Variants in EIF4G3 observed in about 807,000 individuals in gnomAD.
EIF4G3 encodes the protein eIF-4-gamma 3.
EIF4G3 carries 34 observed loss-of-function variants against 186.4 expected under a neutral mutation model. That is an observed-to-expected ratio of 0.18 (90% CI 0.14 to 0.24). The LOEUF is 0.24. Among genes scored for constraint, EIF4G3 ranks in the 10% least tolerant of loss-of-function variants. The probability of loss-of-function intolerance (pLI) is 1.00; values close to 1 mark genes in which losing one functional copy is unlikely to be tolerated. For missense variants in EIF4G3, 1,536 were observed against 1,948.5 expected, an observed-to-expected ratio of 0.79 and a Z score of 3.99; for synonymous variants, 673 against 679.5, an observed-to-expected ratio of 0.99 and a Z score of 0.15.
chr1:21,135,115 C>A (rs1252555174), intron 2 of EIF4G3, among the ~76,000 whole-genome samples: 2 of 152,148 alleles, frequency 1.3e-5, no homozygotes, highest in African/African-American at 4.8e-5. Flanking sequence ...GATGCAAATG[C>A]CTTTTGTAAC....
intron 4 of EIF4G3, among the ~76,000 whole-genome samples, chr1:21,050,256 A>G (rs926769972): frequency 8.5e-5 from 13 of 152,182 alleles, no homozygotes; most frequent in Admixed American, 7.8e-4. Flanking sequence ...GCTAAACAAT[A>G]TATCTTGGCA....
At chr1:20,901,263 T>C (rs1026782633) in intron 15 of EIF4G3, among the ~76,000 whole-genome samples, 1 of 152,098 alleles carries the variant, frequency 6.6e-6, no homozygotes, top group African/African-American at 2.4e-5. Flanking sequence ...AAAAACCAGA[T>C]CTACCAAATT....
chr1:21,154,777 C>G (rs908021492), intron 2 of EIF4G3, among the ~76,000 whole-genome samples: 2 of 152,132 alleles, frequency 1.3e-5, no homozygotes, highest in Admixed American at 6.5e-5. Context: ...ATGTATCTCT[C>G]CATCTATATA....
At position 20,807,393 on chromosome 1, in the gene EIF4G3, C is replaced by G; in HGVS notation, c.4852G>C (p.Gly1618Arg). The G allele has an allele frequency of 6.2e-7, 1 of 1,612,302 alleles. No individual in the cohort carries two copies. The highest frequency in any genetic ancestry group is 8.5e-7 in the Non-Finnish European group (1 of 1,178,758). The change falls in exon 37 of 37, where the codon GGC becomes CGC. Residue 1618 changes from glycine (G) to arginine (R), a missense_variant. Around this residue, in one of 11 missense-constraint regions of EIF4G3, gnomAD observed 45 missense variants for 99.1 expected, o/e 0.45. Transcript: ENST00000602326. ...GCCGTGACAGATTTCAGAGCCACGC[C>G]CTTCCCATTCTGCTCTGCAGGGTCC... ...SKDPAEQNGK[G>R]VALKSVTAFF...
intron 7 of EIF4G3, among the ~76,000 whole-genome samples, chr1:20,991,260 C>G (rs2081032569): frequency 6.6e-6 from 1 of 152,160 alleles, no homozygotes; most frequent in South Asian, 2.1e-4. Context: ...CCATACTTAA[C>G]TACTTGTACT....
intron 2 of EIF4G3, among the ~76,000 whole-genome samples, chr1:21,091,739 A>G (rs1187057246): frequency 3.9e-5 from 6 of 152,052 alleles, no homozygotes; most frequent in Non-Finnish European, 5.9e-5. Flanking sequence ...TAGGTATTTT[A>G]TTCCCTTTGA....
chr1:21,128,521 A>T (rs937336833), intron 2 of EIF4G3, among the ~76,000 whole-genome samples: 2 of 152,134 alleles, frequency 1.3e-5, no homozygotes, highest in Non-Finnish European at 2.9e-5. Flanking sequence ...AAAACAAAAA[A>T]AAAAGTTTCA....
chr1:21,080,820 T>A (rs1457349934), intron 3 of EIF4G3, among the ~76,000 whole-genome samples: 1 of 152,196 alleles, frequency 6.6e-6, no homozygotes, highest in Non-Finnish European at 1.5e-5. Context: ...GAATTTTTCA[T>A]AAGCAGTTAC....
At chr1:21,142,780 G>A (rs1456518216) in intron 2 of EIF4G3, among the ~76,000 whole-genome samples, 1 of 152,100 alleles carries the variant, frequency 6.6e-6, no homozygotes, top group Non-Finnish European at 1.5e-5. Flanking sequence ...GTATAAAAAT[G>A]TTGAGTGCAG....
intron 4 of EIF4G3, among the ~76,000 whole-genome samples, chr1:21,031,948 C>T (rs565053674): frequency 6.6e-6 from 1 of 152,304 alleles, no homozygotes; most frequent in Non-Finnish European, 1.5e-5. Context: ...ACAGTATGTA[C>T]TCTACAAATA....
intron 2 of EIF4G3, among the ~76,000 whole-genome samples, chr1:21,089,549 C>T (rs2096111475): frequency 6.6e-6 from 1 of 152,032 alleles, no homozygotes; most frequent in Non-Finnish European, 1.5e-5. Context: ...GCCTATAATC[C>T]CAACACTTTT....
At chr1:20,926,446 A>G (rs2094894730) in intron 14 of EIF4G3, among the ~76,000 whole-genome samples, 1 of 152,212 alleles carries the variant, frequency 6.6e-6, no homozygotes, top group Non-Finnish European at 1.5e-5. Flanking sequence ...TTGGAAGGCC[A>G]AGGCAGGAGG....
At chr1:21,097,037 G>A (rs76219365) in intron 2 of EIF4G3, among the ~76,000 whole-genome samples, 4,405 of 152,136 alleles carry the variant, frequency 0.029, 137 homozygotes, top group East Asian at 0.14. Context: ...GATTAAAATG[G>A]TAAATATTGT....
At chr1:21,056,573 T>G (rs891199459) in intron 3 of EIF4G3, among the ~76,000 whole-genome samples, 24 of 152,132 alleles carry the variant, frequency 1.6e-4, no homozygotes, top group Non-Finnish European at 5.9e-5. Flanking sequence ...AAAATCAAAT[T>G]TACACTAAAA....
chr1:20,921,355 A>G (rs1229400883), intron 14 of EIF4G3, among the ~76,000 whole-genome samples: 1 of 152,220 alleles, frequency 6.6e-6, no homozygotes, highest in African/African-American at 2.4e-5. Context: ...AAGGTTAGGC[A>G]AAGAGAAAAG....
chr1:20,883,494 G>GT (rs1371504038), intron 19 of EIF4G3, among the ~76,000 whole-genome samples: 1 of 152,130 alleles, frequency 6.6e-6, no homozygotes, highest in Non-Finnish European at 1.5e-5. Context: ...GGACACGCCT[G>GT]TAATACCAAC....
At chr1:20,822,744 G>A (rs1398933709) in intron 33 of EIF4G3, among the ~76,000 whole-genome samples, 1 of 151,814 alleles carries the variant, frequency 6.6e-6, no homozygotes, top group African/African-American at 2.4e-5. Context: ...AATTCTTTAA[G>A]GTTGAAGCTG....
At chr1:20,998,158 T>TG (rs2082698296) in intron 6 of EIF4G3, among the ~76,000 whole-genome samples, 1 of 151,898 alleles carries the variant, frequency 6.6e-6, no homozygotes, top group Non-Finnish European at 1.5e-5. Flanking sequence ...ATCCATGAAA[T>TG]GGAAGTTTCA....
chr1:20,915,062 G>A (rs748142637), intron 14 of EIF4G3, among the ~76,000 whole-genome samples: 6 of 152,116 alleles, frequency 3.9e-5, no homozygotes, highest in South Asian at 4.1e-4. Context: ...TATAGCAACC[G>A]TATCTAATAA....
Sources: gnomAD v4.1 joint callset for allele counts (sites outside exome capture counted in the v4.1 genomes callset) on GRCh38, gnomAD v4.1.1 for gene constraint, gnomAD v4.1.1 regional missense constraint, MANE v1.5 for transcripts, NCBI Gene and HGNC (gene_info 2026-07-23, HGNC 2026-07-21) for gene names.